The following ADAM12 variants were observed in gnomAD, a reference collection of about 807,000 sequenced individuals.
ADAM12 encodes disintegrin and metalloproteinase domain-containing protein 12.
Under a neutral mutation model 106.4 loss-of-function variants are expected in ADAM12, and 70 were observed. The observed-to-expected ratio is 0.66, with a 90% CI of 0.54 to 0.80. ADAM12 has a LOEUF of 0.80. Ranked by LOEUF, ADAM12 falls within the 30% of genes least tolerant of loss-of-function variation. ADAM12 has a pLI of 0.00. For synonymous variants in ADAM12, 420 were observed against 433.5 expected (o/e 0.97, Z 0.39); for missense variants, 1,010 against 1,171.9 (o/e 0.86, Z 2.02).
At chr10:126,181,047 TAA>T (rs1194244215) in intron 3 of ADAM12, among the ~76,000 whole-genome samples, 1 of 151,702 alleles carries the variant, frequency 6.6e-6, no homozygotes, top group Admixed American at 6.6e-5. Flanking sequence ...CTAGCAGATA[TAA>T]AAGCAGCTTG....
At chr10:126,224,806 C>T (rs193282429) in intron 3 of ADAM12, among the ~76,000 whole-genome samples, 3 of 152,326 alleles carry the variant, frequency 2.0e-5, no homozygotes, top group African/African-American at 7.2e-5. Context: ...AGGAGAGGGG[C>T]GTGTCTGGAG....
chr10:126,311,137 A>C (rs940964915), intron 2 of ADAM12, among the ~76,000 whole-genome samples: 11 of 145,882 alleles, frequency 7.5e-5, no homozygotes, highest in African/African-American at 2.6e-4. Flanking sequence ...ACACACACAC[A>C]CCTGCACGCA....
intron 3 of ADAM12, among the ~76,000 whole-genome samples, chr10:126,266,822 C>T (rs889705901): frequency 1.3e-5 from 2 of 152,088 alleles, no homozygotes; most frequent in Non-Finnish European, 2.9e-5. Context: ...CCACACACTT[C>T]TAAACAACCC....
chr10:126,236,313 G>A (rs1958414848), intron 3 of ADAM12, among the ~76,000 whole-genome samples: 1 of 152,192 alleles, frequency 6.6e-6, no homozygotes, highest in South Asian at 2.1e-4. Flanking sequence ...GTCTGGCTGG[G>A]GCCACTGGTC....
At chr10:126,091,937 A>C (rs1314984854) in intron 11 of ADAM12, among the ~76,000 whole-genome samples, 1 of 152,084 alleles carries the variant, frequency 6.6e-6, no homozygotes, top group Non-Finnish European at 1.5e-5. Flanking sequence ...GGAAGGGTGG[A>C]TGGGTGGATG....
chr10:126,346,795 T>C (rs1382388190), intron 1 of ADAM12, among the ~76,000 whole-genome samples: 3 of 152,234 alleles, frequency 2.0e-5, no homozygotes, highest in African/African-American at 7.2e-5. Context: ...TTTGTCTCTT[T>C]TGATCTTTCT....
chr10:126,306,196 T>C (rs1218831320), intron 2 of ADAM12, among the ~76,000 whole-genome samples: 1 of 152,018 alleles, frequency 6.6e-6, no homozygotes, highest in African/African-American at 2.4e-5. Context: ...TATATTTTTA[T>C]TATTTCATCT....
intron 3 of ADAM12, among the ~76,000 whole-genome samples, chr10:126,223,917 G>A (rs1958143947): frequency 6.6e-6 from 1 of 152,324 alleles, no homozygotes; most frequent in Non-Finnish European, 1.5e-5. Context: ...GGGGGTTCGT[G>A]CCCAGACTTA....
intron 1 of ADAM12, among the ~76,000 whole-genome samples, chr10:126,352,146 C>T (rs1363430743): frequency 2.0e-5 from 3 of 152,136 alleles, no homozygotes; most frequent in Non-Finnish European, 2.9e-5. Context: ...TTCAGTTTCC[C>T]GTCAAGCCCT....
At chr10:126,106,121 A>G (rs920649336) in intron 8 of ADAM12, among the ~76,000 whole-genome samples, 1 of 152,082 alleles carries the variant, frequency 6.6e-6, no homozygotes, top group Admixed American at 6.5e-5. Context: ...ACTGGCGGTC[A>G]TGTGGTCTCC....
chr10:126,199,304 A>T (rs886281597), intron 3 of ADAM12, among the ~76,000 whole-genome samples: 1 of 152,178 alleles, frequency 6.6e-6, no homozygotes, highest in Non-Finnish European at 1.5e-5. Flanking sequence ...CCTAATCACC[A>T]TCGAGATCAG....
intron 3 of ADAM12, among the ~76,000 whole-genome samples, chr10:126,205,522 A>G (rs1383207949): frequency 6.6e-6 from 1 of 152,194 alleles, no homozygotes; most frequent in East Asian, 1.9e-4. Context: ...TTGAAGCTCA[A>G]CTCAGCCCAT....
At chr10:126,214,758 G>A (rs1226642398) in intron 3 of ADAM12, among the ~76,000 whole-genome samples, 2 of 152,240 alleles carry the variant, frequency 1.3e-5, no homozygotes, top group African/African-American at 4.8e-5. Flanking sequence ...TTATGACTCA[G>A]CTTGGAGTCC....
chr10:126,106,773 C>T (rs546022368), intron 8 of ADAM12, among the ~76,000 whole-genome samples: 3 of 152,210 alleles, frequency 2.0e-5, no homozygotes, highest in Non-Finnish European at 2.9e-5. Context: ...CGTAAGCCAC[C>T]GCGCCCGCTC....
chr10:126,342,830 C>G (rs755557647), intron 1 of ADAM12, among the ~76,000 whole-genome samples: 4 of 151,716 alleles, frequency 2.6e-5, no homozygotes, highest in Admixed American at 6.6e-5. Context: ...TCCAAGGGAG[C>G]AGTTTTTCTC....
At chr10:126,290,021 C>T (rs1960074494) in intron 2 of ADAM12, among the ~76,000 whole-genome samples, 1 of 152,084 alleles carries the variant, frequency 6.6e-6, no homozygotes, top group African/African-American at 2.4e-5. Context: ...TTCAGATGGG[C>T]CCAATGTAAT....
At chr10:126,363,846 T>C (rs1855819978) in intron 1 of ADAM12, among the ~76,000 whole-genome samples, 1 of 152,212 alleles carries the variant, frequency 6.6e-6, no homozygotes, top group South Asian at 2.1e-4. Context: ...CCACTGAGTT[T>C]GTATAAACAG....
chr10:126,237,713 G>A (rs1055349356), intron 3 of ADAM12, among the ~76,000 whole-genome samples: 1 of 152,112 alleles, frequency 6.6e-6, no homozygotes, highest in African/African-American at 2.4e-5. Context: ...GTAGCAAAAC[G>A]TTCCCAATCA....
At chr10:126,056,470 G>A (rs910351723) in intron 14 of ADAM12, among the ~76,000 whole-genome samples, 9 of 152,312 alleles carry the variant, frequency 5.9e-5, no homozygotes, top group Admixed American at 2.6e-4. Flanking sequence ...ATGAAGAAAA[G>A]TGGCTAACTC....
Sources: gnomAD v4.1 joint callset for allele counts (sites outside exome capture counted in the v4.1 genomes callset) on GRCh38, gnomAD v4.1.1 for gene constraint, MANE v1.5 for transcripts, NCBI Gene and HGNC (gene_info 2026-07-23, HGNC 2026-07-21) for gene names.